Variants in ZC2HC1B observed in about 807,000 individuals in gnomAD.
ZC2HC1B encodes the protein zinc finger C2HC-type containing 1B.
In ZC2HC1B, 36 loss-of-function variants were observed where a neutral mutation model predicts 31.0. That is an observed-to-expected ratio of 1.16 (90% CI 0.89 to 1.54). The LOEUF is 1.54. ZC2HC1B is among the 40% of genes most tolerant of loss of function. ZC2HC1B has a pLI of 0.00. For synonymous variants in ZC2HC1B, 73 were observed against 88.0 expected (o/e 0.83, Z 0.95); for missense variants, 260 against 268.6 (o/e 0.97, Z 0.22).
At chr6:143,910,039 A>G (rs535685963) in intron 6 of ZC2HC1B, among the ~76,000 whole-genome samples, 1 of 152,298 alleles carries the variant, frequency 6.6e-6, no homozygotes, top group East Asian at 1.9e-4. Context: ...CGATGTGGGC[A>G]TTTAGTGCTG....
In ZC2HC1B at chr6:143,872,191, C is replaced by G. The variant is rs1206623760; in HGVS notation, c.28+7624C>G. Among the ~76,000 whole-genome samples, 1 of 152,154 alleles carries G rather than the reference C, an allele frequency of 6.6e-6. No homozygotes were observed. The highest frequency in any genetic ancestry group is 1.5e-5 in the Non-Finnish European group (1 of 68,014). On this transcript the variant is annotated intron_variant, in intron 1 of 7. Transcript: ENST00000237275. This position sits in a 1 kb window ranked among gnomAD's most constrained non-coding sequence, Gnocchi z 5.5. ...TCCTTTTTCAAGGGGACCCGGCCTC[C>G]CCTTCATTCAAGCAGCTCTGGGTTC... is the stretch of plus-strand genomic sequence containing the variant.
At chr6:143,907,477 T>C (rs1392355674) in intron 6 of ZC2HC1B, among the ~76,000 whole-genome samples, 1 of 152,152 alleles carries the variant, frequency 6.6e-6, no homozygotes, top group African/African-American at 2.4e-5. Context: ...GCTATTCTGA[T>C]TGGTGTAAGA....
rs902917791 is a variant in ZC2HC1B at position 143,918,978 on chromosome 6, T to C, written c.598+15826T>C. ...TTCTTGAGTCTCTTCACATCTTTTT[T>C]TAGTTCCCTGAGCATCTTCAGTTGT... On this transcript the variant is annotated intron_variant, in intron 6 of 7. Coordinates refer to ENST00000237275, the MANE Select transcript of ZC2HC1B (RefSeq NM_001013623.3). The surrounding 1 kb of genome is among the most constrained non-coding windows in gnomAD (Gnocchi z 4.1). Among the ~76,000 whole-genome samples the C allele has an allele frequency of 9.9e-5, 15 of 152,200 alleles. No homozygotes were observed. The highest frequency in any genetic ancestry group is 3.6e-4 in the African/African-American group (15 of 41,460).
At chr6:143,893,935 C>T (rs1441778512) in intron 4 of ZC2HC1B, among the ~76,000 whole-genome samples, 1 of 152,156 alleles carries the variant, frequency 6.6e-6, no homozygotes, top group Non-Finnish European at 1.5e-5. Context: ...ATCCACCCAC[C>T]TCAGCCTCCC....
In ZC2HC1B at chr6:143,917,937, A is replaced by G. The variant is rs768177615; in HGVS notation, c.598+14785A>G. Among the ~76,000 whole-genome samples, 4 of 152,254 alleles carry G rather than the reference A, an allele frequency of 2.6e-5. No homozygotes were observed. Among genetic ancestry groups the G allele is most frequent in the Non-Finnish European group, 5.9e-5 (4 of 68,044 alleles). ...AATGTGTTAGTCTCTTCGATCATGT[A>G]GAAAACAAAAAAGTGGAGTTGCAAA... On this transcript the variant is annotated intron_variant, in intron 6 of 7. Transcript: ENST00000237275. This position sits in a 1 kb window ranked among gnomAD's most constrained non-coding sequence, Gnocchi z 4.1.
In ZC2HC1B at chr6:143,871,753, A is replaced by T. The variant is rs544729844; in HGVS notation, c.28+7186A>T. On this transcript the variant is annotated intron_variant, in intron 1 of 7. Transcript: ENST00000237275. This position sits in a 1 kb window ranked among gnomAD's most constrained non-coding sequence, Gnocchi z 4.1. ...ATTTTTCTAGGTAAAGACAGTGCTT[A>T]TGGCTTCCATTTGGCCTTTCTCACC... Among the ~76,000 whole-genome samples the T allele has an allele frequency of 1.1e-4, 17 of 152,274 alleles. No individual in the cohort carries two copies. The highest frequency in any genetic ancestry group is 4.1e-4 in the African/African-American group (17 of 41,550).
At chr6:143,866,157 C>T (rs1777259139) in intron 1 of ZC2HC1B, among the ~76,000 whole-genome samples, 1 of 152,194 alleles carries the variant, frequency 6.6e-6, no homozygotes, top group Admixed American at 6.5e-5. Flanking sequence ...GGTGTAAAAC[C>T]ACTTGGATAT....
chr6:143,884,320 G>T lies in ZC2HC1B; in HGVS notation c.45G>T (p.Leu15Phe). The T allele has an allele frequency of 6.5e-7, 1 of 1,532,694 alleles. No homozygotes were observed. The highest frequency in any genetic ancestry group is 8.8e-7 in the Non-Finnish European group (1 of 1,132,902). The allele number at this position is 1,532,694 out of a possible 1,614,324, so 94.9% of individuals were successfully genotyped here. A position where few individuals can be genotyped will look rare whatever the true frequency, so the allele number is the denominator to read the frequency against. Reference sequence around the variant, plus strand: ...TTTACACAGATGGCAATCAGGAATTGTTTCCCTGTGAAGTCTGTGGAAGAC... The same window carrying T: ...TTTACACAGATGGCAATCAGGAATTTTTTCCCTGTGAAGTCTGTGGAAGAC... Reference protein sequence around the residue: ...EPFLADGNQELFPCEVCGRRF... With the variant: ...EPFLADGNQEFFPCEVCGRRF... The change falls in exon 2 of 8, where the codon TTG becomes TTT. Residue 15 changes from leucine (L) to phenylalanine (F), a missense_variant. By Grantham distance (22) the Leu-to-Phe change is conservative (BLOSUM62 0). Coordinates refer to ENST00000237275, the MANE Select transcript of ZC2HC1B (RefSeq NM_001013623.3). This position sits in a 1 kb window ranked among gnomAD's most constrained non-coding sequence, Gnocchi z 5.1.
chr6:143,912,366 GT>G (rs1777870731), intron 6 of ZC2HC1B, among the ~76,000 whole-genome samples: 1 of 152,128 alleles, frequency 6.6e-6, no homozygotes, highest in Non-Finnish European at 1.5e-5. Flanking sequence ...AGTTTTCAGT[GT>G]TTTTGCATTG....
intron 4 of ZC2HC1B, among the ~76,000 whole-genome samples, chr6:143,889,310 G>A (rs1777569304): frequency 6.6e-6 from 1 of 151,828 alleles, no homozygotes; most frequent in Admixed American, 6.6e-5. Context: ...GAGCAAGGTG[G>A]GATAAAGACA....
rs185090458 is a variant in ZC2HC1B, at chr6:143,909,577, C to A, written c.598+6425C>A. ...GCTGGTAGGCTATTTATTTCTGCCT[C>A]AATTTCAGAACTTGTTATTGGTCTA... On this transcript the variant is annotated intron_variant, in intron 6 of 7. Coordinates refer to ENST00000237275, the MANE Select transcript of ZC2HC1B (RefSeq NM_001013623.3). Among the ~76,000 whole-genome samples the A allele has an allele frequency of 8.0e-4, 116 of 144,384 alleles. 1 individual carries two copies. The highest frequency in any genetic ancestry group is 2.8e-3 in the African/African-American group (109 of 38,606). 94.7% of individuals were successfully genotyped at this position (144,384 alleles called of 152,430 possible).
chr6:143,916,140 C>T (rs899935316), intron 6 of ZC2HC1B, among the ~76,000 whole-genome samples: 1 of 152,132 alleles, frequency 6.6e-6, no homozygotes, highest in Non-Finnish European at 1.5e-5. Context: ...GGACTTGGTG[C>T]CCTGTGTCCC....
At chr6:143,896,539 C>T (rs1188130879) in intron 4 of ZC2HC1B, among the ~76,000 whole-genome samples, 1 of 152,186 alleles carries the variant, frequency 6.6e-6, no homozygotes, top group Non-Finnish European at 1.5e-5. Flanking sequence ...AGTTTCACTT[C>T]TATTTGGTAG....
intron 1 of ZC2HC1B, among the ~76,000 whole-genome samples, chr6:143,877,250 C>T (rs1268285244): frequency 1.7e-5 from 2 of 120,666 alleles, no homozygotes; most frequent in African/African-American, 3.3e-5. Context: ...TTGAGTTTTT[C>T]TCCTAAAGAT....
rs1412175056 is a variant in ZC2HC1B, at chr6:143,871,112, C to G, written c.28+6545C>G. On this transcript the variant is annotated intron_variant, in intron 1 of 7. Coordinates refer to ENST00000237275, the MANE Select transcript of ZC2HC1B (RefSeq NM_001013623.3). The surrounding 1 kb of genome is among the most constrained non-coding windows in gnomAD (Gnocchi z 4.1). The stretch of plus-strand genomic sequence containing the variant: ...AGGAATATCTCAACAGGACCCATAC[C>G]ACTGGACCCCTAGAAATTTTATTGT... Among the ~76,000 whole-genome samples the G allele has an allele frequency of 6.6e-6, 1 of 152,124 alleles. No individual in the cohort carries two copies. The highest frequency in any genetic ancestry group is 1.5e-5 in the Non-Finnish European group (1 of 68,008).
At position 143,870,275 on chromosome 6, in the gene ZC2HC1B, C is replaced by T. The variant is rs1777320233; in HGVS notation, c.28+5708C>T. On this transcript the variant is annotated intron_variant, in intron 1 of 7. Coordinates refer to ENST00000237275, the MANE Select transcript of ZC2HC1B (RefSeq NM_001013623.3). This position sits in a 1 kb window ranked among gnomAD's most constrained non-coding sequence, Gnocchi z 4.7. The stretch of plus-strand genomic sequence containing the variant: ...CAGGGATGTCCTAGGAAGGGGCTGT[C>T]CTTCAGGGATGTCCTAGAAAGGCAG... Among the ~76,000 whole-genome samples the T allele has an allele frequency of 6.6e-6, 1 of 152,178 alleles. No homozygotes were observed. The highest frequency in any genetic ancestry group is 6.5e-5 in the Admixed American group (1 of 15,284).
In ZC2HC1B at chr6:143,930,548, C is replaced by T. The variant is rs377669994; in HGVS notation, c.599-7101C>T. On this transcript the variant is annotated intron_variant, in intron 6 of 7. Coordinates refer to ENST00000237275, the MANE Select transcript of ZC2HC1B (RefSeq NM_001013623.3). ...GACTACAGGCGCCCGCCACCACGCC[C>T]GGCTAATTTTTTTTATATTTTTAGT... Among the ~76,000 whole-genome samples the T allele has an allele frequency of 8.6e-5, 13 of 152,032 alleles. No individual in the cohort carries two copies. In the South Asian group the frequency reaches 1.0e-3, roughly 12 times the overall value.
At chr6:143,902,049 T>C (rs2128495155) in intron 5 of ZC2HC1B, among the ~76,000 whole-genome samples, 1 of 152,256 alleles carries the variant, frequency 6.6e-6, no homozygotes, top group South Asian at 2.1e-4. Flanking sequence ...AACCAGTGAC[T>C]TGGCCCCACT....
rs1031014992 is a variant in ZC2HC1B at position 143,887,024 on chromosome 6, C to T, written c.349+203C>T. On this transcript the variant is annotated intron_variant, in intron 4 of 7. Transcript: ENST00000237275. The surrounding 1 kb of genome is among the most constrained non-coding windows in gnomAD (Gnocchi z 5.1). ...ACTCTGTCTCAACGTGGGAACACCA[C>T]TGTAGCTGTGCTGTAGTATTACATG... Among the ~76,000 whole-genome samples the T allele has an allele frequency of 6.6e-6, 1 of 152,168 alleles. No homozygotes were observed. The highest frequency in any genetic ancestry group is 2.4e-5 in the African/African-American group (1 of 41,442).
Sources: gnomAD v4.1 joint callset for allele counts (sites outside exome capture counted in the v4.1 genomes callset) on GRCh38, gnomAD v4.1.1 for gene constraint, Gnocchi (gnomAD v3.1) non-coding constraint, MANE v1.5 for transcripts, NCBI Gene and HGNC (gene_info 2026-07-23, HGNC 2026-07-21) for gene names.